Variants in NECTIN1 observed in about 807,000 individuals in gnomAD.
NECTIN1 encodes nectin-1.
NECTIN1 carries 23 observed loss-of-function variants against 48.0 expected under a neutral mutation model. The observed-to-expected ratio is 0.48, with a 90% CI of 0.34 to 0.68. The LOEUF (loss-of-function observed/expected upper bound fraction) is 0.68. Ranked by LOEUF, NECTIN1 falls within the 30% of genes least tolerant of loss-of-function variation. The probability of loss-of-function intolerance (pLI) is 0.01; values close to 1 mark genes in which losing one functional copy is unlikely to be tolerated. For missense variants in NECTIN1, 591 were observed against 709.9 expected (o/e 0.83, Z 1.90); for synonymous variants, 270 against 288.9 (o/e 0.93, Z 0.66).
intron 1 of NECTIN1, among the ~76,000 whole-genome samples, chr11:119,725,113 C>A (rs1436708235): frequency 6.6e-5 from 10 of 152,186 alleles, no homozygotes; most frequent in African/African-American, 2.4e-4. Context: ...CATTAGTCAG[C>A]TGCTAAACAA....
At chr11:119,643,819 G>A (rs1864358684) in intron 5 of NECTIN1, among the ~76,000 whole-genome samples, 1 of 152,270 alleles carries the variant, frequency 6.6e-6, no homozygotes, top group African/African-American at 2.4e-5. Context: ...GCTGGAATCA[G>A]TGTCGGGGGG....
At position 119,675,192 on chromosome 11, in the gene NECTIN1, T is replaced by C; in HGVS notation, c.970A>G (p.Thr324Ala). The change falls in exon 5 of 6, where the codon ACA (threonine) becomes GCA (alanine). Residue 324 changes from threonine (T) to alanine (A), a missense_variant. Coordinates refer to ENST00000264025, the MANE Select transcript of NECTIN1 (RefSeq NM_002855.5). ...TTGACCTCCACCTGGCCTGAGCGTGTACCGATGGGGTTGGTGGCCTCACAG... is the reference window on the plus strand; with the variant it reads ...TTGACCTCCACCTGGCCTGAGCGTGCACCGATGGGGTTGGTGGCCTCACAG... ...YICEATNPIG[T>A]RSGQVEVNIT... 2 of 1,614,180 alleles carry C rather than the reference T, an allele frequency of 1.2e-6. No individual in the cohort carries two copies. The highest frequency in any genetic ancestry group is 1.7e-6 in the Non-Finnish European group (2 of 1,180,036).
chr11:119,677,418 C>A lies in NECTIN1; in HGVS notation c.733+137G>T, dbSNP rs1386697859. 8.8e-7 allele frequency: 1 copy of A among 1,133,968 alleles called. No homozygotes were observed. The highest frequency in any genetic ancestry group is 1.3e-6 in the Non-Finnish European group (1 of 764,274). 70.2% of individuals were successfully genotyped at this position (1,133,968 alleles called of 1,614,324 possible). A position where few individuals can be genotyped will look rare whatever the true frequency, so the allele number is the denominator to read the frequency against. On this transcript the variant is annotated intron_variant, in intron 3 of 5. Coordinates refer to ENST00000264025, the MANE Select transcript of NECTIN1 (RefSeq NM_002855.5). The surrounding 1 kb of genome is among the most constrained non-coding windows in gnomAD (Gnocchi z 5.4). ...ACAGGGAAGGAGGAGAGAAAACGAG[C>A]AAAGGGAGGAGATAGGGGAGACAGG...
intron 1 of NECTIN1, chr11:119,712,940 C>T (rs1023158196): frequency 6.6e-6 from 1 of 152,184 alleles, no homozygotes; most frequent in African/African-American, 2.4e-5. Context: ...ACTGACCTCA[C>T]CTAAAGCATT....
chr11:119,692,710 C>T (rs1010386975), intron 1 of NECTIN1, among the ~76,000 whole-genome samples: 12 of 152,242 alleles, frequency 7.9e-5, no homozygotes, highest in Non-Finnish European at 1.6e-4. Context: ...ACTCCAGGAG[C>T]GAGATTGTCC....
intron 1 of NECTIN1, among the ~76,000 whole-genome samples, chr11:119,723,240 A>G (rs938552883): frequency 6.6e-6 from 1 of 151,446 alleles, no homozygotes; most frequent in Admixed American, 6.6e-5. Context: ...AAAAAAAAAA[A>G]AGGGAAAACT....
chr11:119,656,556 A>C (rs981135538), downstream of NECTIN1: 1 of 152,200 alleles, frequency 6.6e-6, no homozygotes, highest in Non-Finnish European at 1.5e-5. Flanking sequence ...GAGTGTTGCA[A>C]AATGAAAAGA....
chr11:119,697,909 G>C (rs1469581361), intron 1 of NECTIN1, among the ~76,000 whole-genome samples: 1 of 152,248 alleles, frequency 6.6e-6, no homozygotes, highest in Non-Finnish European at 1.5e-5. Flanking sequence ...GGACAGGCAG[G>C]ATGGGCTGCA....
At chr11:119,640,035 A>G (rs1421028318) in intron 5 of NECTIN1, 1 of 1,592,592 alleles carries the variant, frequency 6.3e-7, no homozygotes, top group South Asian at 1.1e-5. Flanking sequence ...GACAGGGAAG[A>G]GGATTAGAGA....
intron 5 of NECTIN1, among the ~76,000 whole-genome samples, chr11:119,651,833 C>A (rs1864495890): frequency 6.6e-6 from 1 of 152,146 alleles, no homozygotes; most frequent in South Asian, 2.1e-4. Context: ...TGCTACCTGG[C>A]CCTGCTGCTT....
intron 1 of NECTIN1, among the ~76,000 whole-genome samples, chr11:119,689,363 G>C (rs954902492): frequency 6.6e-6 from 1 of 152,160 alleles, no homozygotes; most frequent in Non-Finnish European, 1.5e-5. Flanking sequence ...GTGGCATTCA[G>C]ACCCTACAGC....
At chr11:119,697,361 C>A (rs528106845) in intron 1 of NECTIN1, among the ~76,000 whole-genome samples, 83 of 152,296 alleles carry the variant, frequency 5.4e-4, no homozygotes, top group African/African-American at 1.9e-3. Flanking sequence ...CCCATCAGCA[C>A]GGTTGGCATT....
rs146919951 is a variant in NECTIN1, at chr11:119,678,470, C to G, written c.375G>C (p.Glu125Asp). ...ELEDEGVYIC[E>D]FATFPTGNRE... ...GATTGCCCGTAGGGAAGGTAGCAAA[C>G]TCGCAGATGTAGACACCCTCATCCT... is the stretch of plus-strand genomic sequence containing the variant. Residue 125 changes from glutamate (E) to aspartate (D), a missense_variant, in exon 2 of 6, where the codon GAG (glutamate) becomes GAC (aspartate). Glu to Asp is a conservative substitution (Grantham distance 45, BLOSUM62 2). Transcript: ENST00000264025. The surrounding 1 kb of genome is among the most constrained non-coding windows in gnomAD (Gnocchi z 4.4). 3 of 1,614,154 alleles carry G rather than the reference C, an allele frequency of 1.9e-6. No individual in the cohort carries two copies. The highest frequency in any genetic ancestry group is 2.7e-5 in the African/African-American group (2 of 74,954).
intron 5 of NECTIN1, among the ~76,000 whole-genome samples, chr11:119,668,345 G>A (rs1864810112): frequency 6.6e-6 from 1 of 152,172 alleles, no homozygotes; most frequent in Non-Finnish European, 1.5e-5. Flanking sequence ...GCAGTCACCA[G>A]GTTAATCTTC....
chr11:119,722,255 T>C (rs117512890), intron 1 of NECTIN1, among the ~76,000 whole-genome samples: 5,645 of 152,352 alleles, frequency 0.037, 162 homozygotes, highest in Non-Finnish European at 0.057. Context: ...CAGCTGAAAC[T>C]GTGGCTATAG....
chr11:119,661,847 C>T lies in NECTIN1; in HGVS notation c.*2900G>A, dbSNP rs1054756452. 24 of 985,252 alleles carry T rather than the reference C, an allele frequency of 2.4e-5. No individual in the cohort carries two copies. Among genetic ancestry groups the T allele is most frequent in the Middle Eastern group, 5.2e-4 (1 of 1,916 alleles). 61.0% of individuals were successfully genotyped at this position (985,252 alleles called of 1,614,324 possible). On this transcript the variant is annotated 3_prime_UTR_variant, in exon 6 of 6. Transcript: ENST00000264025. Reference sequence around the variant, plus strand: ...CTGTGCATGCATGCGTGTGTACATGCGTGTACACATGCCTGCGCGTGGGTG... The same window carrying T: ...CTGTGCATGCATGCGTGTGTACATGTGTGTACACATGCCTGCGCGTGGGTG...
Position 119,678,047 on chromosome 11 carries a change from C to T in NECTIN1, c.431-190G>A, listed in dbSNP as rs1230514028. Among the ~76,000 whole-genome samples, 3 of 152,164 alleles carry T rather than the reference C, an allele frequency of 2.0e-5. No individual in the cohort carries two copies. The highest frequency in any genetic ancestry group is 4.4e-5 in the Non-Finnish European group (3 of 68,032). Reference sequence around the variant, plus strand: ...AGTTCATCATGTCTAACGTTATGTCCTCCCTGCCCTACTAGTCATATCCCT... The same window carrying T: ...AGTTCATCATGTCTAACGTTATGTCTTCCCTGCCCTACTAGTCATATCCCT... On this transcript the variant is annotated intron_variant, in intron 2 of 5. Transcript: ENST00000264025. The surrounding 1 kb of genome is among the most constrained non-coding windows in gnomAD (Gnocchi z 4.4).
chr11:119,648,406 GTGATGGTGGTGGTGA>G (rs1864443135), intron 5 of NECTIN1, among the ~76,000 whole-genome samples: 1 of 82,886 alleles, frequency 1.2e-5, no homozygotes, highest in Non-Finnish European at 2.5e-5. Flanking sequence ...GGTGGTGATG[GTGATGGTGGTGGTGA>G]TGGTGGTGAT....
intron 1 of NECTIN1, among the ~76,000 whole-genome samples, chr11:119,697,224 T>G (rs1302876656): frequency 1.3e-5 from 2 of 152,112 alleles, no homozygotes; most frequent in Non-Finnish European, 2.9e-5. Flanking sequence ...GGTAGGGAAA[T>G]GCAAGGGCTT....
Sources: gnomAD v4.1 joint callset for allele counts (sites outside exome capture counted in the v4.1 genomes callset) on GRCh38, gnomAD v4.1.1 for gene constraint, Gnocchi (gnomAD v3.1) non-coding constraint, MANE v1.5 for transcripts, NCBI Gene and HGNC (gene_info 2026-07-23, HGNC 2026-07-21) for gene names.